Variants in MEGF10 observed in about 807,000 individuals in gnomAD.
MEGF10 encodes the protein multiple epidermal growth factor-like domains protein 10.
In MEGF10, 86 loss-of-function variants were observed where a neutral mutation model predicts 147.5. That is an observed-to-expected ratio of 0.58 (90% CI 0.49 to 0.70). MEGF10 has a LOEUF of 0.70. Ranked by LOEUF, MEGF10 falls within the 30% of genes least tolerant of loss-of-function variation. MEGF10 has a pLI of 0.00. For synonymous variants in MEGF10, 478 were observed against 525.5 expected (o/e 0.91, Z 1.24); for missense variants, 1,329 against 1,487.3 (o/e 0.89, Z 1.75).
At chr5:127,363,266 T>G (rs1188350292) in intron 4 of MEGF10, among the ~76,000 whole-genome samples, 1 of 152,214 alleles carries the variant, frequency 6.6e-6, no homozygotes, top group African/African-American at 2.4e-5. Flanking sequence ...ACAAATCATG[T>G]TTTACTGCAA....
At chr5:127,271,249 A>G in the MEGF10 span, among the ~76,000 whole-genome samples, 4 of 152,170 alleles carry the variant, frequency 2.6e-5, no homozygotes, top group Non-Finnish European at 4.4e-5. Context: ...AGTAATAACC[A>G]TTCTGACTGG....
intron 1 of MEGF10, among the ~76,000 whole-genome samples, chr5:127,293,710 C>T (rs1759367081): frequency 6.6e-6 from 1 of 152,180 alleles, no homozygotes; most frequent in Admixed American, 6.5e-5. Flanking sequence ...TGGCAGCTCT[C>T]TGGATGGTGA....
intron 16 of MEGF10, among the ~76,000 whole-genome samples, chr5:127,437,710 A>T (rs1353751385): frequency 1.3e-5 from 2 of 152,164 alleles, no homozygotes; most frequent in Admixed American, 6.5e-5. Flanking sequence ...TATTTTCTGG[A>T]TCTTCCAGTT....
At chr5:127,301,360 T>G (rs928820405) in intron 1 of MEGF10, among the ~76,000 whole-genome samples, 1 of 152,104 alleles carries the variant, frequency 6.6e-6, no homozygotes, top group Non-Finnish European at 1.5e-5. Flanking sequence ...TAATATGGAG[T>G]TGGTAGACTG....
In MEGF10 at chr5:127,331,337, G is replaced by T. The variant is rs1761250297; in HGVS notation, c.29G>T (p.Ser10Ile). The change falls in exon 2 of 25, where the codon AGC (serine) becomes ATC (isoleucine). Residue 10 changes from serine to isoleucine, a missense_variant. This residue lies in a region of MEGF10 where 980 missense variants were observed against 1,085.9 expected (regional missense o/e 0.90). Transcript: ENST00000503335. MVISLNSCL[S>I]FICLLLCHWI... ...GTTATTTCTTTGAACTCATGCCTGAGCTTTATTTGTTTATTGTTATGCCAC... is the reference window on the plus strand; with the variant it reads ...GTTATTTCTTTGAACTCATGCCTGATCTTTATTTGTTTATTGTTATGCCAC... 5 of 1,612,784 alleles carry T rather than the reference G, an allele frequency of 3.1e-6. No individual in the cohort carries two copies. The highest frequency in any genetic ancestry group is 3.4e-6 in the Non-Finnish European group (4 of 1,179,058).
In MEGF10 at chr5:127,398,666, A is replaced by G. The variant is rs1764015479; in HGVS notation, c.660-10A>G. On this transcript the variant is annotated splice_polypyrimidine_tract_variant and intron_variant, in intron 6 of 24. Transcript: ENST00000503335. ...ATAACAGTGTCCTTTGTCACATGTTAATCCCTCAGCTGTGAGGATCTTTGT... is the reference window on the plus strand; with the variant it reads ...ATAACAGTGTCCTTTGTCACATGTTGATCCCTCAGCTGTGAGGATCTTTGT... 1.2e-6 allele frequency: 2 copies of G among 1,613,944 alleles called. No homozygotes were observed. Among genetic ancestry groups the G allele is most frequent in the African/African-American group, 1.3e-5 (1 of 74,932 alleles).
chr5:127,457,229 G>T lies in MEGF10; in HGVS notation c.3334G>T (p.Asp1112Tyr). 6.2e-7 allele frequency: 1 copy of T among 1,614,102 alleles called. No individual in the cohort carries two copies. The highest frequency in any genetic ancestry group is 1.1e-5 in the South Asian group (1 of 91,074). Residue 1112 changes from aspartate to tyrosine, a missense_variant, in exon 25 of 25, where the codon GAC becomes TAC. Coordinates refer to ENST00000503335, the MANE Select transcript of MEGF10 (RefSeq NM_001256545.2). ...PKNSHIPCHY[D>Y]LLPVRDSSSS... ...GAACAGTCACATCCCTTGTCATTATGACCTGCTGCCAGTCCGAGACAGTTC... is the reference window on the plus strand; with the variant it reads ...GAACAGTCACATCCCTTGTCATTATTACCTGCTGCCAGTCCGAGACAGTTC...
At chr5:127,384,565 A>G (rs55804356) in intron 5 of MEGF10, among the ~76,000 whole-genome samples, 6,405 of 152,270 alleles carry the variant, frequency 0.042, 453 homozygotes, top group African/African-American at 0.15. Flanking sequence ...TAAATATTTT[A>G]CACCCCTTTT....
intron 1 of MEGF10, among the ~76,000 whole-genome samples, chr5:127,326,637 G>A (rs1051950415): frequency 1.3e-5 from 2 of 152,110 alleles, no homozygotes; most frequent in Non-Finnish European, 2.9e-5. Flanking sequence ...TGCCTCTGCC[G>A]GCCTTTCTGA....
rs1410718898 is a variant in MEGF10 at position 127,458,375 on chromosome 5, T to G, written c.*1057T>G. ...ACTTTCCTTTTATTAATTGTCAATT[T>G]AGAGAAACTATGCTTAAGCTGGTCT... On this transcript the variant is annotated 3_prime_UTR_variant, in exon 25 of 25. Coordinates refer to ENST00000503335, the MANE Select transcript of MEGF10 (RefSeq NM_001256545.2). 1 of 152,228 alleles carries G rather than the reference T, an allele frequency of 6.6e-6. No homozygotes were observed. Among genetic ancestry groups the G allele is most frequent in the Non-Finnish European group, 1.5e-5 (1 of 68,028 alleles). 9.4% of individuals were successfully genotyped at this position (152,228 alleles called of 1,614,324 possible). A position where few individuals can be genotyped will look rare whatever the true frequency, so the allele number is the denominator to read the frequency against.
the MEGF10 span, among the ~76,000 whole-genome samples, chr5:127,277,756 C>A: frequency 1.3e-5 from 2 of 152,032 alleles, no homozygotes; most frequent in Admixed American, 6.6e-5. Context: ...GTAGAGCCTA[C>A]AGAATTTGCT....
chr5:127,369,634 A>C (rs1035443468), intron 4 of MEGF10, among the ~76,000 whole-genome samples: 2 of 152,198 alleles, frequency 1.3e-5, no homozygotes, highest in Non-Finnish European at 2.9e-5. Context: ...TAAAGAGTGA[A>C]TTAGGCAATT....
the MEGF10 span, among the ~76,000 whole-genome samples, chr5:127,237,864 A>G: frequency 6.6e-6 from 1 of 151,806 alleles, no homozygotes; most frequent in Admixed American, 6.6e-5. Context: ...TTTCTACCCT[A>G]TGGTGTCTTC....
At chr5:127,255,763 GTC>G in the MEGF10 span, among the ~76,000 whole-genome samples, 1 of 152,068 alleles carries the variant, frequency 6.6e-6, no homozygotes, top group African/African-American at 2.4e-5. Context: ...CAATGGATTC[GTC>G]TCTTTCTAGT....
At chr5:127,452,629 TAGTCTTTCCCCTTCC>T (rs1453552036) in intron 22 of MEGF10, among the ~76,000 whole-genome samples, 1 of 152,156 alleles carries the variant, frequency 6.6e-6, no homozygotes, top group East Asian at 1.9e-4. Flanking sequence ...GATTGACCTT[TAGTCTTTCCCCTTCC>T]AGAGGTGGAG....
chr5:127,369,658 CT>C (rs1229050765), intron 4 of MEGF10, among the ~76,000 whole-genome samples: 2 of 152,094 alleles, frequency 1.3e-5, no homozygotes, highest in Admixed American at 1.3e-4. Context: ...CTTGAAACTT[CT>C]TTTCTAATTT....
chr5:127,352,961 T>A (rs1288542866), intron 4 of MEGF10, among the ~76,000 whole-genome samples: 1 of 152,202 alleles, frequency 6.6e-6, no homozygotes, highest in African/African-American at 2.4e-5. Flanking sequence ...CTTGCACTCA[T>A]CGACATCACG....
chr5:127,417,673 C>T lies in MEGF10; in HGVS notation c.1166C>T (p.Pro389Leu), dbSNP rs141706024. Residue 389 changes from proline to leucine, a missense_variant, in exon 10 of 25, where the codon CCG becomes CTG. By Grantham distance (98) the Pro-to-Leu change is moderately conservative. Coordinates refer to ENST00000503335, the MANE Select transcript of MEGF10 (RefSeq NM_001256545.2). ...ATGTCTGGAGAGTGTGCCTGCAAGC[C>T]GGGCTGGTCAGGACTCTACTGTAAT... ...HPMSGECACK[P>L]GWSGLYCNET... The T allele has an allele frequency of 1.7e-5, 28 of 1,613,998 alleles. No individual in the cohort carries two copies. The highest frequency in any genetic ancestry group is 1.5e-4 in the African/African-American group (11 of 74,906).
Position 127,402,739 on chromosome 5 carries a change from G to T in MEGF10, c.917+57G>T, listed in dbSNP as rs976037471. 6.3e-5 allele frequency: 100 copies of T among 1,595,352 alleles called. 1 individual carries two copies. The South Asian group carries it at 9.6e-4, about 15-fold the overall frequency. ...TTATAATGATGTGAAAGGAAAGTTT[G>T]TAGGGTCCGGGGAGCATCTTCAATA... On this transcript the variant is annotated intron_variant, in intron 8 of 24. Coordinates refer to ENST00000503335, the MANE Select transcript of MEGF10 (RefSeq NM_001256545.2).
Sources: gnomAD v4.1 joint callset for allele counts (sites outside exome capture counted in the v4.1 genomes callset) on GRCh38, gnomAD v4.1.1 for gene constraint, gnomAD v4.1.1 regional missense constraint, MANE v1.5 for transcripts, NCBI Gene and HGNC (gene_info 2026-07-23, HGNC 2026-07-21) for gene names.